The following OR6A2 variants were observed in gnomAD, a reference collection of about 807,000 sequenced individuals.
The protein encoded by OR6A2 is olfactory receptor 6A2.
In OR6A2, 6 loss-of-function variants were observed where a neutral mutation model predicts 7.1. The observed-to-expected ratio is 0.85, with a 90% CI of 0.46 to 1.68. OR6A2 has a LOEUF of 1.68. Ranked by LOEUF, OR6A2 falls within the 40% of genes most tolerant of loss-of-function variation. The probability of loss-of-function intolerance (pLI) is 0.01; values close to 1 mark genes in which losing one functional copy is unlikely to be tolerated. For synonymous variants in OR6A2, 162 were observed against 152.1 expected, an observed-to-expected ratio of 1.06 and a Z score of -0.48; for missense variants, 431 against 398.0, an observed-to-expected ratio of 1.08 and a Z score of -0.71.
chr11:6,794,550 G>C lies in OR6A2; in HGVS notation c.*175C>G. The C allele has an allele frequency of 1.3e-6, 1 of 792,076 alleles. No homozygotes were observed. The highest frequency in any genetic ancestry group is 2.0e-6 in the Non-Finnish European group (1 of 512,622). 49.1% of individuals were successfully genotyped at this position (792,076 alleles called of 1,614,324 possible). A position where few individuals can be genotyped will look rare whatever the true frequency, so the allele number is the denominator to read the frequency against. On this transcript the variant is annotated 3_prime_UTR_variant, in exon 2 of 2. Transcript: ENST00000641196. The stretch of plus-strand genomic sequence containing the variant: ...CTGTCCTGCAGAAATCCATTTTCTA[G>C]CTTGCAACCTATTCCTCTCTCTCCT...
chr11:6,795,326 T>A lies in OR6A2; in HGVS notation c.383A>T (p.Tyr128Phe), dbSNP rs1847735488. 5 of 1,613,920 alleles carry A rather than the reference T, an allele frequency of 3.1e-6. No homozygotes were observed. Among genetic ancestry groups the A allele is most frequent in the Non-Finnish European group, 4.2e-6 (5 of 1,179,974 alleles). ...VLLAVMAYDR[Y>F]MAICYPLHYP... Reference sequence around the variant, plus strand: ...GTGGAGAGGATAGCAGATGGCCATATAGCGATCATAGGCCATAACAGCGAG... The same window carrying A: ...GTGGAGAGGATAGCAGATGGCCATAAAGCGATCATAGGCCATAACAGCGAG... The change falls in exon 2 of 2, where the codon TAT becomes TTT. Residue 128 changes from tyrosine (Y) to phenylalanine (F), a missense_variant. Coordinates refer to ENST00000641196, the MANE Select transcript of OR6A2 (RefSeq NM_003696.3).
At chr11:6,797,823 C>G (rs538185925) in intron 1 of OR6A2, among the ~76,000 whole-genome samples, 11 of 152,300 alleles carry the variant, frequency 7.2e-5, no homozygotes, top group African/African-American at 2.6e-4. Flanking sequence ...TATTTTATAC[C>G]TTGCAGCTCT....
chr11:6,797,437 A>G (rs1256715422), intron 1 of OR6A2, among the ~76,000 whole-genome samples: 1 of 152,196 alleles, frequency 6.6e-6, no homozygotes, highest in Non-Finnish European at 1.5e-5. Flanking sequence ...ATTGCTGTTT[A>G]TGACCTTAGC....
rs1251509802 is a variant in OR6A2 at position 6,795,542 on chromosome 11, A to G, written c.167T>C (p.Leu56Pro). 8.1e-6 allele frequency: 13 copies of G among 1,614,090 alleles called. No homozygotes were observed. Among genetic ancestry groups the G allele is most frequent in the Middle Eastern group, 1.6e-4 (1 of 6,062 alleles). The stretch of plus-strand genomic sequence containing the variant: ...TAGAAAAAAGTACATGGGTTTGTGG[A>G]GGGTAGAATGGTTCCTAATTGCCAT... ...IIMAIRNHST[L>P]HKPMYFFLAN... The change falls in exon 2 of 2, where the codon CTC becomes CCC. Residue 56 changes from leucine to proline, a missense_variant. Transcript: ENST00000641196.
Position 6,794,735 on chromosome 11 carries a change from C to G in OR6A2, c.974G>C (p.Arg325Thr). 6.2e-7 allele frequency: 1 copy of G among 1,613,642 alleles called. No individual in the cohort carries two copies. Among genetic ancestry groups the G allele is most frequent in the African/African-American group, 1.3e-5 (1 of 75,034 alleles). Residue 325 changes from arginine to threonine, a missense_variant, in exon 2 of 2, where the codon AGA (arginine) becomes ACA (threonine). By Grantham distance (71) the Arg-to-Thr change is moderately conservative. Transcript: ENST00000641196. ...HQDPDPKKAS[R>T]NV ...TTTCACACATCCCTTCTATACATTTCTGCTAGCTTTCTTGGGGTCAGGATC... is the reference window on the plus strand; with the variant it reads ...TTTCACACATCCCTTCTATACATTTGTGCTAGCTTTCTTGGGGTCAGGATC...
rs535582447 is a variant in OR6A2, at chr11:6,792,490, G to A, written c.*2235C>T. The A allele has an allele frequency of 5.3e-5, 8 of 152,072 alleles. No homozygotes were observed. Among genetic ancestry groups the A allele is most frequent in the African/African-American group, 9.7e-5 (4 of 41,424 alleles). The allele number at this position is 152,072 out of a possible 1,614,324, so 9.4% of individuals were successfully genotyped here. A position where few individuals can be genotyped will look rare whatever the true frequency, so the allele number is the denominator to read the frequency against. On this transcript the variant is annotated 3_prime_UTR_variant, in exon 2 of 2. Coordinates refer to ENST00000641196, the MANE Select transcript of OR6A2 (RefSeq NM_003696.3). ...TGCCTCTGGCCACTCTGAATAACCC[G>A]GGTAGATCCAGTACTCCCACCTCTT...
rs755128714 is a variant in OR6A2, at chr11:6,794,976, T to A, written c.733A>T (p.Thr245Ser). 2 of 1,613,730 alleles carry A rather than the reference T, an allele frequency of 1.2e-6. No individual in the cohort carries two copies. The highest frequency in any genetic ancestry group is 1.7e-6 in the Non-Finnish European group (2 of 1,179,954). ...SAAGRYKAFS[T>S]CASHLTVVII... ...ACAACAGTGAGATGAGAGGCACAGG[T>A]GGAAAAGGCCTTATAGCGTCCAGCA... Residue 245 changes from threonine to serine, a missense_variant, in exon 2 of 2, where the codon ACC becomes TCC. Coordinates refer to ENST00000641196, the MANE Select transcript of OR6A2 (RefSeq NM_003696.3).
In OR6A2 at chr11:6,795,874, C is replaced by A. The variant is rs2133035279; in HGVS notation, c.-166G>T. ...TGAGGCCACTGCTCTCTTCTTTAAT[C>A]TGGAAATGAGCTAAGGCAAACATAC... On this transcript the variant is annotated 5_prime_UTR_variant, in exon 2 of 2. Transcript: ENST00000641196. 3.3e-6 allele frequency: 2 copies of A among 606,984 alleles called. No individual in the cohort carries two copies. Among genetic ancestry groups the A allele is most frequent in the Non-Finnish European group, 5.8e-6 (2 of 342,792 alleles). The allele number at this position is 606,984 out of a possible 1,614,324, so 37.6% of individuals were successfully genotyped here. A position where few individuals can be genotyped will look rare whatever the true frequency, so the allele number is the denominator to read the frequency against.
chr11:6,797,849 G>C (rs776112540), intron 1 of OR6A2, among the ~76,000 whole-genome samples: 2 of 152,146 alleles, frequency 1.3e-5, no homozygotes, highest in Non-Finnish European at 2.9e-5. Context: ...CACACCATGT[G>C]TATCACCTCA....
chr11:6,795,576 G>T lies in OR6A2; in HGVS notation c.133C>A (p.Leu45Ile). ...TGGTTCCTAATTGCCATAATGATGA[G>T]TGTGTTCTCAGTCAGCACCAACACA... Reference protein sequence around the residue: ...AYVLVLTENTLIIMAIRNHST... With the variant: ...AYVLVLTENTIIIMAIRNHST... The change falls in exon 2 of 2, where the codon CTC becomes ATC. Residue 45 changes from leucine (L) to isoleucine (I), a missense_variant. Coordinates refer to ENST00000641196, the MANE Select transcript of OR6A2 (RefSeq NM_003696.3). 1 of 1,614,080 alleles carries T rather than the reference G, an allele frequency of 6.2e-7. No homozygotes were observed. The highest frequency in any genetic ancestry group is 8.5e-7 in the Non-Finnish European group (1 of 1,179,994).
At position 6,794,581 on chromosome 11, in the gene OR6A2, A is replaced by G; in HGVS notation, c.*144T>C. ...AACCTATTCCTCTCTCTCCTCTTGG[A>G]CTAGTTAAAGAAAGTATTCCTAGTT... is the stretch of plus-strand genomic sequence containing the variant. On this transcript the variant is annotated 3_prime_UTR_variant, in exon 2 of 2. Coordinates refer to ENST00000641196, the MANE Select transcript of OR6A2 (RefSeq NM_003696.3). 1 of 1,053,444 alleles carries G rather than the reference A, an allele frequency of 9.5e-7. No individual in the cohort carries two copies. The allele number at this position is 1,053,444 out of a possible 1,614,324, so 65.3% of individuals were successfully genotyped here.
chr11:6,794,644 G>A lies in OR6A2; in HGVS notation c.*81C>T, dbSNP rs1477908257. 1.3e-6 allele frequency: 2 copies of A among 1,525,476 alleles called. No homozygotes were observed. The highest frequency in any genetic ancestry group is 1.8e-6 in the Non-Finnish European group (2 of 1,133,688). The allele number at this position is 1,525,476 out of a possible 1,614,324, so 94.5% of individuals were successfully genotyped here. Reference sequence around the variant, plus strand: ...CTTTGAAACTCTGGCCCCCAATTTAGGCCCTAAGAACTCCACTGGACTTCA... The same window carrying A: ...CTTTGAAACTCTGGCCCCCAATTTAAGCCCTAAGAACTCCACTGGACTTCA... On this transcript the variant is annotated 3_prime_UTR_variant, in exon 2 of 2. Transcript: ENST00000641196.
chr11:6,795,895 C>A lies in OR6A2; in HGVS notation c.-176-11G>T. On this transcript the variant is annotated splice_polypyrimidine_tract_variant and intron_variant, in intron 1 of 1. Coordinates refer to ENST00000641196, the MANE Select transcript of OR6A2 (RefSeq NM_003696.3). ...TAATCTGGAAATGAGCTAAGGCAAA[C>A]ATACAAAAATAAATGTTTTTTTTTT... 1.8e-5 allele frequency: 10 copies of A among 546,904 alleles called. No individual in the cohort carries two copies. Among genetic ancestry groups the A allele is most frequent in the East Asian group, 5.8e-5 (2 of 34,472 alleles). The allele number at this position is 546,904 out of a possible 1,614,324, so 33.9% of individuals were successfully genotyped here.
chr11:6,795,246 C>A lies in OR6A2; in HGVS notation c.463G>T (p.Ala155Ser). The A allele has an allele frequency of 6.2e-7, 1 of 1,614,074 alleles. No homozygotes were observed. Residue 155 changes from alanine (A) to serine (S), a missense_variant, in exon 2 of 2, where the codon GCT becomes TCT. Transcript: ENST00000641196. ...ACCATGGAGATGCCAAAACCTCCAGCCCAAGAGCCAGCAGCCATCTGCACA... is the reference window on the plus strand; with the variant it reads ...ACCATGGAGATGCCAAAACCTCCAGACCAAGAGCCAGCAGCCATCTGCACA... ...LCVQMAAGSW[A>S]GGFGISMVKV...
rs1356395663 is a variant in OR6A2 at position 6,792,048 on chromosome 11, T to A, written c.*2677A>T. 6.6e-6 allele frequency: 1 copy of A among 152,232 alleles called. No individual in the cohort carries two copies. Among genetic ancestry groups the A allele is most frequent in the Non-Finnish European group, 1.5e-5 (1 of 68,042 alleles). The allele number at this position is 152,232 out of a possible 1,614,324, so 9.4% of individuals were successfully genotyped here. On this transcript the variant is annotated 3_prime_UTR_variant, in exon 2 of 2. Transcript: ENST00000641196. ...ACTCCATATAGGTATCTTGTCTCTT[T>A]GACAAGCTTTGATCTGATATTTCTC...
At chr11:6,799,464 G>C (rs868096070) in intron 1 of OR6A2, 80 bp downstream of exon 1, 60 of 152,110 alleles carry the variant, frequency 3.9e-4, no homozygotes, top group African/African-American at 1.4e-3. Context: ...TAAGAAGATG[G>C]CTATATTAGA....
chr11:6,794,501 A>G lies in OR6A2; in HGVS notation c.*224T>C, dbSNP rs185929189. ...CAAAGGGACAGACAATAGTGGACCCAGCTCTATCCTGTATTTTATGGCCCT... is the reference window on the plus strand; with the variant it reads ...CAAAGGGACAGACAATAGTGGACCCGGCTCTATCCTGTATTTTATGGCCCT... On this transcript the variant is annotated 3_prime_UTR_variant, in exon 2 of 2. Transcript: ENST00000641196. 1.4e-3 allele frequency: 751 copies of G among 546,224 alleles called. 3 individuals are homozygous for G. The highest frequency in any genetic ancestry group is 8.6e-3 in the South Asian group (293 of 34,064). The allele number at this position is 546,224 out of a possible 1,614,324, so 33.8% of individuals were successfully genotyped here.
Position 6,795,350 on chromosome 11 carries a change from A to G in OR6A2, c.359T>C (p.Leu120Pro), listed in dbSNP as rs145611848. 3.7e-5 allele frequency: 59 copies of G among 1,613,944 alleles called. No homozygotes were observed. The highest frequency in any genetic ancestry group is 4.7e-5 in the Non-Finnish European group (55 of 1,180,000). The stretch of plus-strand genomic sequence containing the variant: ...ATAGCGATCATAGGCCATAACAGCG[A>G]GAAGGACACACTCAGTGCAGCCCAA... ...LGLGCTECVL[L>P]AVMAYDRYMA... Residue 120 changes from leucine (L) to proline (P), a missense_variant, in exon 2 of 2, where the codon CTC becomes CCC. By Grantham distance (98) the Leu-to-Pro change is moderately conservative. Transcript: ENST00000641196.
In OR6A2 at chr11:6,793,087, G is replaced by A. The variant is rs1005234783; in HGVS notation, c.*1638C>T. On this transcript the variant is annotated 3_prime_UTR_variant, in exon 2 of 2. Transcript: ENST00000641196. ...AGAGTTGTAATAACAATGCCTAGAG[G>A]AGGACTCTCCCATCCCTGATCACAA... The A allele has an allele frequency of 6.6e-6, 1 of 152,140 alleles. No individual in the cohort carries two copies. Among genetic ancestry groups the A allele is most frequent in the Non-Finnish European group, 1.5e-5 (1 of 68,024 alleles). The allele number at this position is 152,140 out of a possible 1,614,324, so 9.4% of individuals were successfully genotyped here.
Sources: allele counts gnomAD v4.1 joint callset (sites outside exome capture counted in the v4.1 genomes callset), GRCh38; gene constraint gnomAD v4.1.1; transcripts MANE v1.5; gene names NCBI Gene and HGNC (gene_info 2026-07-23, HGNC 2026-07-21).